The following RPA3 variants were observed in gnomAD, a reference collection of about 807,000 sequenced individuals.
The protein encoded by RPA3 is replication protein A 14 kDa subunit.
A neutral mutation model predicts 13.7 loss-of-function variants in RPA3; 24 were observed. The ratio of observed to expected loss-of-function variants is 1.75; its 90% CI spans 1.27 to 2.46. RPA3 has a LOEUF of 2.46. Ranked by LOEUF, RPA3 falls within the 30% of genes most tolerant of loss-of-function variation. The pLI is 0.00. For missense variants in RPA3, 183 were observed against 151.0 expected (o/e 1.21, Z -1.11); for synonymous variants, 59 against 51.2 (o/e 1.15, Z -0.65).
chr7:7,666,345 A>G (rs1435727499), intron 4 of RPA3, among the ~76,000 whole-genome samples: 1 of 151,964 alleles, frequency 6.6e-6, no homozygotes, highest in African/African-American at 2.4e-5. Flanking sequence ...CTGGGACCTC[A>G]GGCACACGCC....
intron 2 of RPA3, among the ~76,000 whole-genome samples, chr7:7,712,698 C>G (rs1199111924): frequency 6.6e-6 from 1 of 152,084 alleles, no homozygotes; most frequent in Non-Finnish European, 1.5e-5. Context: ...GGTCTAGGAC[C>G]TCTAGTATGT....
chr7:7,710,713 T>C (rs768891125), intron 2 of RPA3, among the ~76,000 whole-genome samples: 3 of 152,214 alleles, frequency 2.0e-5, no homozygotes, highest in Non-Finnish European at 2.9e-5. Flanking sequence ...CCCAGAGAAA[T>C]TGAAGACGTA....
intron 4 of RPA3, among the ~76,000 whole-genome samples, chr7:7,647,430 G>A (rs1785121988): frequency 6.6e-6 from 1 of 152,128 alleles, no homozygotes. Context: ...TTTTTCATGT[G>A]TGCTTGGCAA....
At chr7:7,668,212 C>T (rs1322273499) in intron 4 of RPA3, among the ~76,000 whole-genome samples, 1 of 152,064 alleles carries the variant, frequency 6.6e-6, no homozygotes, top group African/African-American at 2.4e-5. Context: ...CATGCCTGGT[C>T]CTACTTTACT....
chr7:7,666,517 C>A (rs563034416), intron 4 of RPA3, among the ~76,000 whole-genome samples: 16 of 151,920 alleles, frequency 1.1e-4, no homozygotes, highest in Non-Finnish European at 2.4e-4. Context: ...CGGGGCAAAT[C>A]TTTTTAATTT....
intron 4 of RPA3, among the ~76,000 whole-genome samples, chr7:7,650,312 A>C (rs1057292113): frequency 1.3e-5 from 2 of 152,146 alleles, no homozygotes; most frequent in Non-Finnish European, 2.9e-5. Context: ...TTACAGCTTC[A>C]TCAGTTCATG....
At position 7,694,019 on chromosome 7, in the gene RPA3, A is replaced by G. The variant is rs28912711; in HGVS notation, c.-1027-6691T>C. On this transcript the variant is annotated intron_variant, in intron 2 of 7. Coordinates refer to ENST00000223129, the MANE Select transcript of RPA3 (RefSeq NM_002947.5). Reference sequence around the variant, plus strand: ...ACTAATGCTTTGTTGATATAAGGCAACTGAGTTTTTTTCAACTGAGTCATT... The same window carrying G: ...ACTAATGCTTTGTTGATATAAGGCAGCTGAGTTTTTTTCAACTGAGTCATT... Among the ~76,000 whole-genome samples the G allele has an allele frequency of 5.5e-3, 841 of 152,256 alleles. 4 individuals carry two copies. The highest frequency in any genetic ancestry group is 0.019 in the African/African-American group (790 of 41,560).
Position 7,640,534 on chromosome 7 carries a change from G to T in RPA3, c.-116C>A. 1.1e-6 allele frequency: 1 copy of T among 925,958 alleles called. No homozygotes were observed. The highest frequency in any genetic ancestry group is 1.7e-6 in the Non-Finnish European group (1 of 590,048). The allele number at this position is 925,958 out of a possible 1,614,324, so 57.4% of individuals were successfully genotyped here. ...CCAATCAGCGAAGACTAGCGCTCCA[G>T]CTTCGCCAATTAAATGCGCGGAAAC... On this transcript the variant is annotated 5_prime_UTR_variant, in exon 5 of 8. In the 5' UTR this introduces an upstream ATG that the reference lacks. Coordinates refer to ENST00000223129, the MANE Select transcript of RPA3 (RefSeq NM_002947.5).
At chr7:7,714,663 C>A (rs1168326044) in intron 2 of RPA3, among the ~76,000 whole-genome samples, 1 of 151,948 alleles carries the variant, frequency 6.6e-6, no homozygotes, top group African/African-American at 2.4e-5. Context: ...GTTGGACTTA[C>A]ATAAGAAAGA....
intron 1 of RPA3, among the ~76,000 whole-genome samples, chr7:7,716,725 C>G (rs950331897): frequency 3.3e-5 from 5 of 152,298 alleles, no homozygotes; most frequent in African/African-American, 1.2e-4. Context: ...GCAGGCGGAT[C>G]ACGAGGTCAG....
intron 4 of RPA3, among the ~76,000 whole-genome samples, chr7:7,677,333 C>G (rs1436127665): frequency 1.3e-5 from 2 of 152,070 alleles, no homozygotes; most frequent in Non-Finnish European, 2.9e-5. Flanking sequence ...CTACCAAATA[C>G]TAGATCTTAT....
At chr7:7,669,018 A>ACAGTACTCC (rs1488290778) in intron 4 of RPA3, among the ~76,000 whole-genome samples, 3 of 152,088 alleles carry the variant, frequency 2.0e-5, no homozygotes, top group African/African-American at 7.2e-5. Context: ...GAGAAAACCC[A>ACAGTACTCC]CACAGACGTA....
At chr7:7,715,472 A>C (rs962590071) in intron 1 of RPA3, among the ~76,000 whole-genome samples, 2 of 152,216 alleles carry the variant, frequency 1.3e-5, no homozygotes, top group African/African-American at 4.8e-5. Context: ...TCAATAATTA[A>C]TGCTTCCATG....
chr7:7,642,573 C>T (rs1184068485), intron 4 of RPA3, among the ~76,000 whole-genome samples: 3 of 151,958 alleles, frequency 2.0e-5, no homozygotes, highest in Non-Finnish European at 2.9e-5. Context: ...TCTTTTAAAA[C>T]AGGGAGATGA....
intron 4 of RPA3, among the ~76,000 whole-genome samples, chr7:7,682,431 T>A (rs2115123763): frequency 6.6e-6 from 1 of 152,200 alleles, no homozygotes; most frequent in East Asian, 1.9e-4. Flanking sequence ...ATTTAAACTA[T>A]CATATTTTTA....
chr7:7,637,179 C>G (rs1583678465), intron 7 of RPA3, 97 bp from the exon 8 acceptor site: 1 of 895,200 alleles, frequency 1.1e-6, no homozygotes, highest in East Asian at 2.5e-5. Flanking sequence ...TTTTCTCACC[C>G]TTTTGGAAGT....
At chr7:7,646,156 G>A (rs1785089043) in intron 4 of RPA3, among the ~76,000 whole-genome samples, 1 of 152,322 alleles carries the variant, frequency 6.6e-6, no homozygotes, top group South Asian at 2.1e-4. Flanking sequence ...CAGTGTGACA[G>A]CCTTTTTGGG....
At chr7:7,654,061 A>T (rs1243599472) in intron 4 of RPA3, among the ~76,000 whole-genome samples, 4 of 152,208 alleles carry the variant, frequency 2.6e-5, no homozygotes, top group Admixed American at 2.6e-4. Context: ...AAGAAGCAGT[A>T]GAGAAAAAAG....
intron 5 of RPA3, among the ~76,000 whole-genome samples, chr7:7,639,385 T>C (rs1005617268): frequency 6.6e-6 from 1 of 152,248 alleles, no homozygotes; most frequent in African/African-American, 2.4e-5. Flanking sequence ...AAGTAGGTTC[T>C]GTATTTGCTA....
Sources: gnomAD v4.1 joint callset for allele counts (sites outside exome capture counted in the v4.1 genomes callset) on GRCh38, gnomAD v4.1.1 for gene constraint, MANE v1.5 for transcripts, NCBI Gene and HGNC (gene_info 2026-07-23, HGNC 2026-07-21) for gene names.